Variants in LTBP1 observed in about 807,000 individuals in gnomAD.
LTBP1 encodes the protein latent-transforming growth factor beta-binding protein 1.
In LTBP1, 129 loss-of-function variants were observed where a neutral mutation model predicts 207.6. The ratio of observed to expected loss-of-function variants is 0.62; its 90% CI spans 0.54 to 0.72. The LOEUF is 0.72. LTBP1 is among the 30% of genes least tolerant of loss of function. LTBP1 has a pLI of 0.00. For synonymous variants in LTBP1, 963 were observed against 833.7 expected (o/e 1.16, Z -2.67); for missense variants, 2,281 against 2,217.2 (o/e 1.03, Z -0.58).
intron 32 of LTBP1, among the ~76,000 whole-genome samples, chr2:33,395,311 A>G (rs1011089185): frequency 2.6e-5 from 4 of 152,292 alleles, no homozygotes; most frequent in Middle Eastern, 6.8e-3. Flanking sequence ...CCACAAAATA[A>G]ACCTATAACT....
chr2:32,996,976 C>G (rs563853892), intron 2 of LTBP1, among the ~76,000 whole-genome samples: 4 of 152,228 alleles, frequency 2.6e-5, no homozygotes, highest in African/African-American at 9.6e-5. Flanking sequence ...TGTCCGCCTT[C>G]TGGGTCCAAG....
chr2:33,001,924 A>G (rs1686101073), intron 2 of LTBP1, among the ~76,000 whole-genome samples: 1 of 134,824 alleles, frequency 7.4e-6, no homozygotes, highest in Non-Finnish European at 1.6e-5. Flanking sequence ...AGAGATTTCC[A>G]TCCTTTCAGT....
At chr2:33,105,972 G>A (rs218220) in intron 3 of LTBP1, among the ~76,000 whole-genome samples, 80,876 of 152,120 alleles carry the variant, frequency 0.53, 23,730 homozygotes, top group South Asian at 0.69. Context: ...AAATCCTGCT[G>A]CTGCTTTATC....
chr2:33,163,325 T>C (rs17012617), intron 5 of LTBP1, among the ~76,000 whole-genome samples: 1,545 of 152,324 alleles, frequency 0.01, 29 homozygotes, highest in African/African-American at 0.035. Context: ...TATTCCAGTA[T>C]GCTAGAAATG....
In LTBP1 at chr2:33,347,378, T is replaced by A; in HGVS notation, c.3868T>A (p.Cys1290Ser). The A allele has an allele frequency of 6.2e-7, 1 of 1,614,152 alleles. No individual in the cohort carries two copies. The highest frequency in any genetic ancestry group is 8.5e-7 in the Non-Finnish European group (1 of 1,180,020). ...DGQGCVDVNE[C>S]ELLSGVCGEA... Reference sequence around the variant, plus strand: ...GCTCCCTTTTCCAGATGTGAATGAATGTGAACTGCTCAGTGGGGTGTGTGG... The same window carrying A: ...GCTCCCTTTTCCAGATGTGAATGAAAGTGAACTGCTCAGTGGGGTGTGTGG... Residue 1290 changes from cysteine (C) to serine (S), a missense_variant, in exon 26 of 34, where the codon TGT becomes AGT. Around this residue, in one of 3 missense-constraint regions of LTBP1, gnomAD observed 1,671 missense variants for 1,634.8 expected, o/e 1.02. Coordinates refer to ENST00000404816, the MANE Select transcript of LTBP1 (RefSeq NM_206943.4).
At chr2:33,092,788 C>G (rs867579889) in intron 3 of LTBP1, among the ~76,000 whole-genome samples, 1 of 152,184 alleles carries the variant, frequency 6.6e-6, no homozygotes, top group Non-Finnish European at 1.5e-5. Context: ...CAGCAGCTGC[C>G]TCCAAAAAGT....
At chr2:33,192,218 G>A (rs1174869516) in intron 7 of LTBP1, among the ~76,000 whole-genome samples, 1 of 152,182 alleles carries the variant, frequency 6.6e-6, no homozygotes, top group Non-Finnish European at 1.5e-5. Context: ...GCATAGTGCA[G>A]TATAAATGAC....
chr2:32,985,471 T>C (rs950300), intron 2 of LTBP1, among the ~76,000 whole-genome samples: 11,435 of 152,210 alleles, frequency 0.075, 451 homozygotes, highest in Middle Eastern at 0.11. Context: ...AGGAGCTCAG[T>C]ACAAAGCCCA....
At chr2:33,016,852 A>G (rs1005993980) in intron 2 of LTBP1, among the ~76,000 whole-genome samples, 2 of 152,054 alleles carry the variant, frequency 1.3e-5, no homozygotes, top group South Asian at 2.1e-4. Context: ...GCGAAACCCT[A>G]TCTCTACTAA....
chr2:32,965,593 A>T (rs1308455736), intron 2 of LTBP1, among the ~76,000 whole-genome samples: 1 of 152,166 alleles, frequency 6.6e-6, no homozygotes, highest in Non-Finnish European at 1.5e-5. Context: ...GTCTTTTCAG[A>T]TTGGCTTCTT....
At chr2:33,256,597 T>C (rs1394278287) in intron 11 of LTBP1, among the ~76,000 whole-genome samples, 3 of 151,424 alleles carry the variant, frequency 2.0e-5, no homozygotes, top group Non-Finnish European at 4.4e-5. Flanking sequence ...ATAAGACATA[T>C]ACATGCAACA....
At chr2:33,310,790 C>T (rs528527669) in intron 23 of LTBP1, among the ~76,000 whole-genome samples, 1 of 152,288 alleles carries the variant, frequency 6.6e-6, no homozygotes, top group African/African-American at 2.4e-5. Flanking sequence ...TTTAGCTATA[C>T]CTGACTTGCC....
intron 3 of LTBP1, among the ~76,000 whole-genome samples, chr2:33,044,828 C>G (rs2149443901): frequency 6.6e-6 from 1 of 152,264 alleles, no homozygotes; most frequent in East Asian, 1.9e-4. Context: ...GATGGTATCT[C>G]ATTGTGGTTT....
chr2:33,383,858 A>C (rs111869835), intron 31 of LTBP1, among the ~76,000 whole-genome samples: 3 of 152,216 alleles, frequency 2.0e-5, no homozygotes, highest in African/African-American at 7.2e-5. Context: ...TTCTTAATGC[A>C]TGAAAATTGG....
intron 10 of LTBP1, among the ~76,000 whole-genome samples, 170 bp downstream of exon 10, chr2:33,243,954 T>C (rs1300413282): frequency 2.6e-5 from 4 of 152,158 alleles, no homozygotes; most frequent in African/African-American, 4.8e-5. Context: ...TAAATTGATA[T>C]CATGGAACCT....
intron 5 of LTBP1, among the ~76,000 whole-genome samples, chr2:33,165,858 T>G (rs921460776): frequency 2.0e-5 from 3 of 152,198 alleles, no homozygotes; most frequent in Non-Finnish European, 4.4e-5. Context: ...TGAAAATGCT[T>G]TATTCCAAAT....
At chr2:33,261,666 T>C (rs1310754256) in intron 13 of LTBP1, among the ~76,000 whole-genome samples, 1 of 152,184 alleles carries the variant, frequency 6.6e-6, no homozygotes, top group Non-Finnish European at 1.5e-5. Flanking sequence ...GATTAATGAC[T>C]GTGGCACTGG....
intron 3 of LTBP1, among the ~76,000 whole-genome samples, chr2:33,100,587 A>G (rs1488256069): frequency 1.3e-5 from 2 of 152,110 alleles, no homozygotes; most frequent in Non-Finnish European, 2.9e-5. Flanking sequence ...TTTTCATTGT[A>G]CAGTTCATGG....
intron 2 of LTBP1, among the ~76,000 whole-genome samples, chr2:32,991,534 G>A (rs918335806): frequency 6.6e-6 from 1 of 152,214 alleles, no homozygotes; most frequent in Non-Finnish European, 1.5e-5. Flanking sequence ...ATGAACTCAT[G>A]GACTTCTTTG....
Sources: gnomAD v4.1 joint callset for allele counts (sites outside exome capture counted in the v4.1 genomes callset) on GRCh38, gnomAD v4.1.1 for gene constraint, gnomAD v4.1.1 regional missense constraint, MANE v1.5 for transcripts, NCBI Gene and HGNC (gene_info 2026-07-23, HGNC 2026-07-21) for gene names.